The following WDPCP variants were observed in gnomAD, a reference collection of about 807,000 sequenced individuals.
The protein encoded by WDPCP is WD repeat containing planar cell polarity effector, also known as WD repeat-containing and planar cell polarity effector protein fritz homolog.
A neutral mutation model predicts 93.1 loss-of-function variants in WDPCP; 71 were observed. That is an observed-to-expected ratio of 0.76 (90% confidence interval 0.63 to 0.93). WDPCP has a LOEUF of 0.93. WDPCP is among the 40% of genes least tolerant of loss of function. The probability of loss-of-function intolerance (pLI) is 0.00; values close to 1 mark genes in which losing one functional copy is unlikely to be tolerated. For missense variants in WDPCP, 844 were observed against 887.4 expected (o/e 0.95, Z 0.62); for synonymous variants, 315 against 315.0 (o/e 1.00, Z 0.00).
chr2:63,525,084 T>C (rs899698796), intron 1 of WDPCP, among the ~76,000 whole-genome samples: 9 of 152,216 alleles, frequency 5.9e-5, no homozygotes, highest in African/African-American at 1.7e-4. Flanking sequence ...AAAAAGGTCA[T>C]GTCCTTTGCA....
intron 2 of WDPCP, among the ~76,000 whole-genome samples, chr2:63,812,991 T>A (rs1330912906): frequency 1.3e-5 from 2 of 151,918 alleles, no homozygotes; most frequent in Non-Finnish European, 2.9e-5. Context: ...TAGCTGGGAC[T>A]ACAGGCACAT....
intron 3 of WDPCP, among the ~76,000 whole-genome samples, chr2:63,617,996 A>G (rs1709690999): frequency 6.6e-6 from 1 of 152,268 alleles, no homozygotes; most frequent in Non-Finnish European, 1.5e-5. Flanking sequence ...AATAGTTTTT[A>G]AAAATTCTTT....
At chr2:63,674,744 A>C (rs1030150576) in intron 2 of WDPCP, among the ~76,000 whole-genome samples, 1 of 152,086 alleles carries the variant, frequency 6.6e-6, no homozygotes, top group Admixed American at 6.5e-5. Context: ...TCAATGGTTT[A>C]AAATTTATAT....
chr2:63,808,998 C>G (rs1471347047), intron 2 of WDPCP, among the ~76,000 whole-genome samples: 1 of 152,036 alleles, frequency 6.6e-6, no homozygotes, highest in Non-Finnish European at 1.5e-5. Context: ...CCTGCCGCCC[C>G]GTCTGGGATG....
chr2:63,782,570 C>T (rs1670410432), intron 2 of WDPCP, among the ~76,000 whole-genome samples: 1 of 152,182 alleles, frequency 6.6e-6, no homozygotes, highest in Non-Finnish European at 1.5e-5. Context: ...AAATGCTCAA[C>T]ATCACTAATC....
chr2:63,732,905 C>T (rs1036771444), intron 2 of WDPCP, among the ~76,000 whole-genome samples: 6 of 151,972 alleles, frequency 3.9e-5, no homozygotes, highest in Non-Finnish European at 8.8e-5. Flanking sequence ...TGAAGAACTA[C>T]AGATATGTAA....
intron 12 of WDPCP, among the ~76,000 whole-genome samples, chr2:63,365,266 C>G (rs1263564288): frequency 1.3e-5 from 2 of 152,172 alleles, no homozygotes; most frequent in African/African-American, 4.8e-5. Flanking sequence ...CACCAGGATT[C>G]TAACCAGTGC....
chr2:63,519,270 AC>A (rs1228611777), intron 1 of WDPCP: 3 of 152,220 alleles, frequency 2.0e-5, no homozygotes, highest in African/African-American at 7.2e-5. Context: ...AGCCACTGCC[AC>A]CCGCAGGAAC....
chr2:63,717,151 C>T, intron 2 of WDPCP: 1 of 394,330 alleles, frequency 2.5e-6, no homozygotes, highest in Non-Finnish European at 4.9e-6. Flanking sequence ...TGCCACCTGA[C>T]TCTTGGAAAT....
chr2:63,330,005 GGTT>G (rs1351835781), intron 12 of WDPCP, among the ~76,000 whole-genome samples: 1 of 152,152 alleles, frequency 6.6e-6, no homozygotes, highest in African/African-American at 2.4e-5. Flanking sequence ...GGGAAAATTA[GGTT>G]GTTTCCGTAT....
chr2:63,304,651 T>G (rs899151663), intron 13 of WDPCP, among the ~76,000 whole-genome samples: 1 of 152,150 alleles, frequency 6.6e-6, no homozygotes, highest in Non-Finnish European at 1.5e-5. Context: ...GCCCTGGGTT[T>G]CAAGCACAAA....
At chr2:63,216,545 AC>A (rs1332638562) in intron 14 of WDPCP, among the ~76,000 whole-genome samples, 2 of 152,056 alleles carry the variant, frequency 1.3e-5, no homozygotes, top group Non-Finnish European at 2.9e-5. Context: ...AACACCACAC[AC>A]CAGGGCCTGT....
intron 2 of WDPCP, among the ~76,000 whole-genome samples, chr2:63,804,337 C>T (rs1013605056): frequency 4.6e-5 from 7 of 151,050 alleles, no homozygotes; most frequent in Admixed American, 2.6e-4. Flanking sequence ...CTGCAAGCTG[C>T]GCCTCCCGGG....
At chr2:63,509,001 A>G (rs1490822448) in intron 1 of WDPCP, among the ~76,000 whole-genome samples, 1 of 152,178 alleles carries the variant, frequency 6.6e-6, no homozygotes, top group East Asian at 1.9e-4. Flanking sequence ...TTAACATCCC[A>G]CTGTCAATAT....
chr2:63,371,304 T>C (rs1450110714), intron 12 of WDPCP, among the ~76,000 whole-genome samples: 1 of 152,160 alleles, frequency 6.6e-6, no homozygotes, highest in Non-Finnish European at 1.5e-5. Flanking sequence ...TCATTCCCTT[T>C]GCTACCAATC....
intron 14 of WDPCP, among the ~76,000 whole-genome samples, chr2:63,251,739 C>T (rs1329051897): frequency 2.6e-5 from 4 of 151,884 alleles, no homozygotes; most frequent in Non-Finnish European, 5.9e-5. Flanking sequence ...GATCTGCCCA[C>T]CTCGGCCTCC....
At chr2:63,551,872 A>C (rs1285822358) in intron 1 of WDPCP, among the ~76,000 whole-genome samples, 4 of 151,382 alleles carry the variant, frequency 2.6e-5, no homozygotes, top group Non-Finnish European at 5.9e-5. Flanking sequence ...GTCCTTTTCT[A>C]ACCTATCCCC....
intron 14 of WDPCP, among the ~76,000 whole-genome samples, chr2:63,247,583 C>G (rs1347601958): frequency 6.6e-6 from 1 of 151,608 alleles, no homozygotes; most frequent in Non-Finnish European, 1.5e-5. Context: ...TATAAAATTG[C>G]CTTCAGGCTA....
At chr2:63,734,224 T>G (rs1315452636) in intron 2 of WDPCP, among the ~76,000 whole-genome samples, 1 of 152,138 alleles carries the variant, frequency 6.6e-6, no homozygotes, top group East Asian at 1.9e-4. Flanking sequence ...ATTCTTACAT[T>G]CAACTAGACA....
Sources: gnomAD v4.1 joint callset for allele counts (sites outside exome capture counted in the v4.1 genomes callset) on GRCh38, gnomAD v4.1.1 for gene constraint, MANE v1.5 for transcripts, NCBI Gene and HGNC (gene_info 2026-07-23, HGNC 2026-07-21) for gene names.